Variants in GPC5 observed in about 807,000 individuals in gnomAD.
GPC5 encodes glypican 5, also known as glypican-5.
GPC5 carries 47 observed loss-of-function variants against 53.9 expected under a neutral mutation model. The observed-to-expected ratio is 0.87, with a 90% CI of 0.69 to 1.11. The LOEUF is 1.11. GPC5 is among the 50% of genes most tolerant of loss of function. GPC5 has a pLI of 0.00. For synonymous variants in GPC5, 286 were observed against 263.3 expected (o/e 1.09, Z -0.84); for missense variants, 748 against 713.1 (o/e 1.05, Z -0.56).
At chr13:92,165,526 A>G (rs1285019493) in intron 7 of GPC5, among the ~76,000 whole-genome samples, 1 of 152,168 alleles carries the variant, frequency 6.6e-6, no homozygotes, top group East Asian at 1.9e-4. Context: ...AGAATGAGAG[A>G]TGTGGAGCAA....
At chr13:92,738,546 T>C (rs1454439071) in intron 7 of GPC5, among the ~76,000 whole-genome samples, 3 of 152,128 alleles carry the variant, frequency 2.0e-5, no homozygotes, top group African/African-American at 7.2e-5. Context: ...TTGAAAAATA[T>C]GCTGTCTGAG....
intron 5 of GPC5, among the ~76,000 whole-genome samples, chr13:91,796,468 C>A (rs2038049483): frequency 6.6e-6 from 1 of 152,212 alleles, no homozygotes; most frequent in African/African-American, 2.4e-5. Flanking sequence ...GAAAACAGAG[C>A]TCCCATACAA....
chr13:92,838,281 G>A (rs1329868369), intron 7 of GPC5, among the ~76,000 whole-genome samples: 1 of 151,598 alleles, frequency 6.6e-6, no homozygotes, highest in African/African-American at 2.4e-5. Flanking sequence ...TCAGGAGATC[G>A]AAACCATCCT....
chr13:92,201,001 A>G (rs201420472), intron 7 of GPC5, among the ~76,000 whole-genome samples: 1 of 81,420 alleles, frequency 1.2e-5, no homozygotes. Context: ...ACACACACAC[A>G]CACACACACG....
chr13:92,413,007 C>T (rs1876116351), intron 7 of GPC5, among the ~76,000 whole-genome samples: 1 of 152,158 alleles, frequency 6.6e-6, no homozygotes, highest in South Asian at 2.1e-4. Context: ...TTGCATTAAA[C>T]TAACAATAAT....
chr13:92,496,723 G>A (rs943067359), intron 7 of GPC5, among the ~76,000 whole-genome samples: 6 of 152,172 alleles, frequency 3.9e-5, no homozygotes, highest in African/African-American at 1.2e-4. Flanking sequence ...TACACAGCAT[G>A]CATACAGACA....
chr13:92,380,233 G>A (rs893010482), intron 7 of GPC5, among the ~76,000 whole-genome samples: 2 of 152,130 alleles, frequency 1.3e-5, no homozygotes, highest in Admixed American at 1.3e-4. Context: ...TCCAGTAAAT[G>A]ATGCTCTTGG....
intron 2 of GPC5, among the ~76,000 whole-genome samples, chr13:91,521,085 A>G (rs1335859704): frequency 6.6e-6 from 1 of 152,184 alleles, no homozygotes; most frequent in African/African-American, 2.4e-5. Context: ...TGATGGTTAC[A>G]TTATCCTTTG....
chr13:92,649,443 G>A (rs1182288665), intron 7 of GPC5, among the ~76,000 whole-genome samples: 1 of 152,050 alleles, frequency 6.6e-6, no homozygotes, highest in Non-Finnish European at 1.5e-5. Context: ...ATTTTTGATT[G>A]TCTATAAAAT....
chr13:91,445,622 A>T (rs749166605), intron 1 of GPC5, among the ~76,000 whole-genome samples: 1 of 152,116 alleles, frequency 6.6e-6, no homozygotes. Context: ...TTATGGGTAC[A>T]TGCCACCATG....
At chr13:92,743,533 G>A (rs566651569) in intron 7 of GPC5, among the ~76,000 whole-genome samples, 18 of 151,956 alleles carry the variant, frequency 1.2e-4, no homozygotes, top group African/African-American at 3.4e-4. Context: ...ATCTGCAAAT[G>A]GGGACAATTT....
chr13:92,717,021 CAG>C (rs1452497484), intron 7 of GPC5, among the ~76,000 whole-genome samples: 1 of 151,678 alleles, frequency 6.6e-6, no homozygotes, highest in Admixed American at 6.6e-5. Context: ...GCACAATAAA[CAG>C]AGAGGCTAAG....
In GPC5 at chr13:92,866,500, GC is replaced by G. The variant is rs1286326111; in HGVS notation, c.*63del. 5.2e-5 allele frequency: 67 copies of G among 1,296,248 alleles called. No individual in the cohort carries two copies. In the Middle Eastern group the frequency reaches 7.9e-4, roughly 15 times the overall value. 80.3% of individuals were successfully genotyped at this position (1,296,248 alleles called of 1,614,324 possible). A position where few individuals can be genotyped will look rare whatever the true frequency, so the allele number is the denominator to read the frequency against. On this transcript the variant is annotated 3_prime_UTR_variant, in exon 8 of 8. Transcript: ENST00000377067. ...CTCGATTTCTTCTCTCTCTGCATAT[GC>G]CTGGAATAAGAGATCCTTTTTCAAT...
chr13:92,852,248 ACT>A (rs1432602955), intron 7 of GPC5, among the ~76,000 whole-genome samples: 1 of 151,850 alleles, frequency 6.6e-6, no homozygotes, highest in Non-Finnish European at 1.5e-5. Context: ...TATTTACACG[ACT>A]CTGGTTTGAC....
At chr13:92,054,992 C>G (rs185847539) in intron 6 of GPC5, among the ~76,000 whole-genome samples, 3 of 152,114 alleles carry the variant, frequency 2.0e-5, no homozygotes, top group Non-Finnish European at 4.4e-5. Context: ...AAAGGCCAAT[C>G]ACAATTTTAT....
intron 7 of GPC5, among the ~76,000 whole-genome samples, chr13:92,848,215 T>C (rs906743348): frequency 2.6e-5 from 4 of 152,230 alleles, no homozygotes; most frequent in African/African-American, 9.6e-5. Context: ...TATGATTTTA[T>C]TGAATTTTTG....
intron 2 of GPC5, among the ~76,000 whole-genome samples, chr13:91,617,005 T>A (rs1483279524): frequency 6.6e-6 from 1 of 152,108 alleles, no homozygotes; most frequent in East Asian, 1.9e-4. Context: ...AGGTTTTTGT[T>A]AAAAAAACAA....
intron 7 of GPC5, among the ~76,000 whole-genome samples, chr13:92,547,726 T>G (rs1248907974): frequency 6.6e-6 from 1 of 152,126 alleles, no homozygotes; most frequent in African/African-American, 2.4e-5. Context: ...TGAAAAATCT[T>G]TGTATTCTAT....
At chr13:92,243,476 T>C (rs2042628513) in intron 7 of GPC5, among the ~76,000 whole-genome samples, 1 of 152,166 alleles carries the variant, frequency 6.6e-6, no homozygotes. Context: ...TGGCTTGGGC[T>C]AGGTTATTGT....
Sources: allele counts gnomAD v4.1 joint callset (sites outside exome capture counted in the v4.1 genomes callset), GRCh38; gene constraint gnomAD v4.1.1; transcripts MANE v1.5; gene names NCBI Gene and HGNC (gene_info 2026-07-23, HGNC 2026-07-21).